FABP6: variants seen among roughly 807,000 people sequenced by gnomAD.
FABP6 encodes the protein gastrotropin.
Under a neutral mutation model 14.9 loss-of-function variants are expected in FABP6, and 13 were observed. That is an observed-to-expected ratio of 0.87 (90% CI 0.57 to 1.39). The LOEUF is 1.39. FABP6 is among the 40% of genes most tolerant of loss of function. The pLI is 0.00. For missense variants in FABP6, 161 were observed against 167.2 expected, an observed-to-expected ratio of 0.96 and a Z score of 0.20; for synonymous variants, 75 against 63.6, an observed-to-expected ratio of 1.18 and a Z score of -0.85.
chr5:160,226,389 G>A (rs865931384), upstream of FABP6, among the ~76,000 whole-genome samples: 3 of 151,094 alleles, frequency 2.0e-5, no homozygotes, highest in South Asian at 2.1e-4. Context: ...GGAAAACCCC[G>A]TCTCTACTAA....
At chr5:160,196,492 G>A (rs1426761770) in intron 1 of FABP6, 1 of 152,288 alleles carries the variant, frequency 6.6e-6, no homozygotes, top group South Asian at 2.1e-4. Flanking sequence ...TTGGAACGAG[G>A]GTTGGCAGCT....
intron 3 of FABP6, among the ~76,000 whole-genome samples, chr5:160,219,828 G>A (rs1294327481): frequency 7.2e-5 from 11 of 152,120 alleles, no homozygotes; most frequent in Admixed American, 4.6e-4. Flanking sequence ...AATCACTGGG[G>A]AGTTTGTCAA....
intron 2 of FABP6, among the ~76,000 whole-genome samples, chr5:160,200,713 A>G (rs2112589): frequency 0.89 from 135,768 of 152,018 alleles, 60,727 homozygotes; most frequent in Non-Finnish European, 0.92. Flanking sequence ...CGCACCCGGC[A>G]AGTCTTTAGT....
upstream of FABP6, among the ~76,000 whole-genome samples, chr5:160,225,254 A>G (rs1243972196): frequency 1.4e-5 from 2 of 144,672 alleles, no homozygotes; most frequent in African/African-American, 5.2e-5. Context: ...CCACCACCAC[A>G]CCTGGCTAAT....
chr5:160,228,419 G>A (rs190767726), upstream of FABP6: 1,268 of 456,006 alleles, frequency 2.8e-3, 2 homozygotes, highest in Non-Finnish European at 4.5e-3. Context: ...TAATAATCAC[G>A]AGAGCCTTTG....
intron 2 of FABP6, among the ~76,000 whole-genome samples, chr5:160,205,343 A>T (rs1759740080): frequency 6.7e-6 from 1 of 149,738 alleles, no homozygotes; most frequent in African/African-American, 2.5e-5. Context: ...AAAAAAAGCA[A>T]CTGAAATACC....
At chr5:160,202,543 T>A (rs1326626215) in intron 2 of FABP6, among the ~76,000 whole-genome samples, 1 of 152,102 alleles carries the variant, frequency 6.6e-6, no homozygotes, top group Non-Finnish European at 1.5e-5. Flanking sequence ...ACGCCCGTAA[T>A]CCCAGCACTT....
upstream of FABP6, chr5:160,228,782 G>A (rs1760306298): frequency 6.5e-6 from 2 of 305,834 alleles, no homozygotes; most frequent in Non-Finnish European, 6.6e-6. Flanking sequence ...AGTTTGCTTT[G>A]CTCCAGCTAA....
intron 1 of FABP6, among the ~76,000 whole-genome samples, chr5:160,196,258 C>A (rs768240211): frequency 1.4e-4 from 21 of 152,226 alleles, no homozygotes; most frequent in Non-Finnish European, 2.4e-4. Context: ...TATCCAACCC[C>A]TTCTGCCAGG....
chr5:160,234,337 G>A (rs1276148819), intron 2 of FABP6, among the ~76,000 whole-genome samples: 1 of 147,624 alleles, frequency 6.8e-6, no homozygotes, highest in African/African-American at 2.5e-5. Flanking sequence ...CCTGCCCAGT[G>A]CACCCTTGCA....
chr5:160,188,041 TGAGACCCC>T (rs1759322151), intron 1 of FABP6, among the ~76,000 whole-genome samples: 1 of 139,656 alleles, frequency 7.2e-6, no homozygotes, highest in Admixed American at 7.6e-5. Flanking sequence ...CGTGAGCCAC[TGAGACCCC>T]GGCCTGCTAA....
upstream of FABP6, among the ~76,000 whole-genome samples, chr5:160,227,373 A>G (rs1760270663): frequency 6.6e-6 from 1 of 152,054 alleles, no homozygotes; most frequent in South Asian, 2.1e-4. Flanking sequence ...TGTCTCTACT[A>G]AAAATTAGCT....
At chr5:160,209,991 C>A (rs919995414) in intron 2 of FABP6, among the ~76,000 whole-genome samples, 1 of 152,222 alleles carries the variant, frequency 6.6e-6, no homozygotes, top group Non-Finnish European at 1.5e-5. Context: ...AACCTGTGCA[C>A]AGTAGAATCC....
At chr5:160,231,952 G>A in intron 1 of FABP6, 146 bp from the exon 2 acceptor site, 1 of 846,700 alleles carries the variant, frequency 1.2e-6, no homozygotes, top group Non-Finnish European at 1.8e-6. Flanking sequence ...CGTATTAGCT[G>A]TCTCAGGCAC....
chr5:160,223,387 CTCCTTCCT>C (rs144081714), intron 3 of FABP6, among the ~76,000 whole-genome samples: 62,736 of 105,074 alleles, frequency 0.6, 18,992 homozygotes, highest in Non-Finnish European at 0.61. Context: ...CCCTCCCTCT[CTCCTTCCT>C]TCCTTCCTTC....
chr5:160,225,878 A>T (rs1760233641), upstream of FABP6, among the ~76,000 whole-genome samples: 1 of 152,156 alleles, frequency 6.6e-6, no homozygotes, highest in South Asian at 2.1e-4. Flanking sequence ...GGAGGAAGAG[A>T]GTAGAAAATA....
At chr5:160,238,492 G>A (rs2277955) in intron 3 of FABP6, 114 bp from the exon 4 acceptor site, 21 of 834,980 alleles carry the variant, frequency 2.5e-5, no homozygotes, top group South Asian at 1.9e-4. Flanking sequence ...GAAGTGGTGC[G>A]CCTGACTCTT....
chr5:160,225,793 T>C (rs532935628), upstream of FABP6, among the ~76,000 whole-genome samples: 24 of 152,220 alleles, frequency 1.6e-4, 1 homozygote, highest in South Asian at 4.6e-3. Flanking sequence ...ATGTGGCGTG[T>C]GGTTATTGTA....
rs1580899383 is a variant in FABP6 at position 160,199,271 on chromosome 5, A to G, written c.51+114A>G. The G allele has an allele frequency of 4.8e-6, 5 of 1,050,348 alleles. No individual in the cohort carries two copies. In the East Asian group the frequency reaches 1.2e-4, roughly 25 times the overall value. The allele number at this position is 1,050,348 out of a possible 1,614,324, so 65.1% of individuals were successfully genotyped here. ...TTGCTCGCCTTTCTCTGTGATGCTA[A>G]TAACAGACTTGTCATGGCTCCAAAG... On this transcript the variant is annotated intron_variant, in intron 2 of 6. Transcript: ENST00000393980.
Sources: gnomAD v4.1 joint callset for allele counts (sites outside exome capture counted in the v4.1 genomes callset) on GRCh38, gnomAD v4.1.1 for gene constraint, MANE v1.5 for transcripts, NCBI Gene and HGNC (gene_info 2026-07-23, HGNC 2026-07-21) for gene names.